Variants in TSPAN9 observed in about 807,000 individuals in gnomAD.
TSPAN9 encodes the protein tetraspanin 9, also known as tetraspanin-9.
TSPAN9 carries 16 observed loss-of-function variants against 31.0 expected under a neutral mutation model. The observed-to-expected ratio is 0.52, with a 90% CI of 0.35 to 0.78. The LOEUF (loss-of-function observed/expected upper bound fraction) is 0.78. Among genes scored for constraint, TSPAN9 ranks in the 30% least tolerant of loss-of-function variants. The pLI is 0.01. For synonymous variants in TSPAN9, 145 were observed against 121.6 expected, an observed-to-expected ratio of 1.19 and a Z score of -1.27; for missense variants, 272 against 312.5, an observed-to-expected ratio of 0.87 and a Z score of 0.98.
rs2098344896 is a variant in TSPAN9, at chr12:3,161,063, A to G, written c.-17-40114A>G. The stretch of plus-strand genomic sequence containing the variant: ...TGGAGAAACCCTGTCTCTACTAAAA[A>G]TACAAAATTAGCCTGGCATGGTGGT... On this transcript the variant is annotated intron_variant, in intron 2 of 8. Coordinates refer to ENST00000011898, the MANE Select transcript of TSPAN9 (RefSeq NM_006675.5). 3.3e-5 allele frequency among the ~76,000 whole-genome samples: 5 copies of G among 152,322 alleles called. 1 individual carries two copies. The highest frequency in any genetic ancestry group is 3.3e-4 in the Admixed American group (5 of 15,300).
chr12:3,281,135 G>A, intron 6 of TSPAN9, 63 bp from the exon 7 acceptor site: 5 of 1,547,024 alleles, frequency 3.2e-6, no homozygotes, highest in Non-Finnish European at 3.5e-6. Context: ...GCAGGGGAAG[G>A]CCCTGGGGAG....
intron 3 of TSPAN9, chr12:3,272,805 C>G (rs1234766560): frequency 6.6e-6 from 1 of 152,234 alleles, no homozygotes; most frequent in Non-Finnish European, 1.5e-5. Context: ...TCCCTCACCC[C>G]CAGAGAAATA....
At chr12:3,198,143 GT>G (rs2098368301) in intron 2 of TSPAN9, among the ~76,000 whole-genome samples, 2 of 64,120 alleles carry the variant, frequency 3.1e-5, no homozygotes, top group African/African-American at 6.6e-5. Flanking sequence ...ACCAGCACAG[GT>G]CACCACCAGC....
intron 2 of TSPAN9, among the ~76,000 whole-genome samples, chr12:3,161,925 C>G (rs1465026007): frequency 6.6e-6 from 1 of 152,128 alleles, no homozygotes; most frequent in Non-Finnish European, 1.5e-5. Flanking sequence ...AAGCCATCTT[C>G]CCGCTTCAGC....
intron 3 of TSPAN9, among the ~76,000 whole-genome samples, chr12:3,265,098 T>G (rs367550160): frequency 7.9e-5 from 12 of 152,290 alleles, no homozygotes; most frequent in African/African-American, 2.4e-4. Flanking sequence ...GCCAGCGCAG[T>G]GCTGGGCTCA....
At chr12:3,225,400 C>T (rs1471130943) in intron 3 of TSPAN9, among the ~76,000 whole-genome samples, 1 of 152,112 alleles carries the variant, frequency 6.6e-6, no homozygotes, top group African/African-American at 2.4e-5. Flanking sequence ...ATTTTCTCTA[C>T]CTTTCTTGAA....
In TSPAN9 at chr12:3,125,931, CTGT is replaced by C. The variant is rs1465567520; in HGVS notation, c.-18+42217_-18+42219del. On this transcript the variant is annotated intron_variant, in intron 2 of 8. Coordinates refer to ENST00000011898, the MANE Select transcript of TSPAN9 (RefSeq NM_006675.5). ...CGCCTGGCATTTGAGGGCTCAAAAC[CTGT>C]TGTTTGGATGAATGCTGGCCTTTGT... is the stretch of plus-strand genomic sequence containing the variant. Among the ~76,000 whole-genome samples the C allele has an allele frequency of 3.9e-5, 6 of 152,240 alleles. No homozygotes were observed. The East Asian group carries it at 9.7e-4, about 25-fold the overall frequency.
intron 2 of TSPAN9, among the ~76,000 whole-genome samples, chr12:3,161,801 A>ATCTATCTG (rs2098345434): frequency 1.3e-5 from 2 of 150,938 alleles, no homozygotes; most frequent in Non-Finnish European, 2.9e-5. Context: ...CTATCTATCT[A>ATCTATCTG]TCTATCTATC....
chr12:3,143,706 C>T lies in TSPAN9; in HGVS notation c.-17-57471C>T, dbSNP rs1483935102. Among the ~76,000 whole-genome samples, 2 of 152,222 alleles carry T rather than the reference C, an allele frequency of 1.3e-5. No individual in the cohort carries two copies. Among genetic ancestry groups the T allele is most frequent in the East Asian group, 1.9e-4 (1 of 5,202 alleles). On this transcript the variant is annotated intron_variant, in intron 2 of 8. Coordinates refer to ENST00000011898, the MANE Select transcript of TSPAN9 (RefSeq NM_006675.5). This position sits in a 1 kb window ranked among gnomAD's most constrained non-coding sequence, Gnocchi z 4.2. ...ATTTTGTTGTTCAACTTGCTGCAGC[C>T]TTGGCCATGGGAAGCTCTAGGGAGC...
chr12:3,156,265 G>A (rs771062923), intron 2 of TSPAN9, among the ~76,000 whole-genome samples: 4 of 152,130 alleles, frequency 2.6e-5, no homozygotes, highest in Non-Finnish European at 5.9e-5. Flanking sequence ...GGGCCAGGAC[G>A]GATCTCGTTG....
intron 2 of TSPAN9, among the ~76,000 whole-genome samples, chr12:3,130,692 C>T (rs1281816959): frequency 6.6e-6 from 1 of 152,194 alleles, no homozygotes; most frequent in Non-Finnish European, 1.5e-5. Flanking sequence ...TACCGGCCCA[C>T]AGAGATGTGC....
chr12:3,170,227 G>A lies in TSPAN9; in HGVS notation c.-17-30950G>A, dbSNP rs977330663. ...TCTGAATTTCTCTCCCATCCATCTC[G>A]TTTATGGTGTTTACAGGGAATATTC... is the stretch of plus-strand genomic sequence containing the variant. On this transcript the variant is annotated intron_variant, in intron 2 of 8. Transcript: ENST00000011898. This position sits in a 1 kb window ranked among gnomAD's most constrained non-coding sequence, Gnocchi z 4.4. Among the ~76,000 whole-genome samples, 4 of 152,082 alleles carry A rather than the reference G, an allele frequency of 2.6e-5. No individual in the cohort carries two copies. Among genetic ancestry groups the A allele is most frequent in the African/African-American group, 9.7e-5 (4 of 41,398 alleles).
intron 2 of TSPAN9, among the ~76,000 whole-genome samples, chr12:3,094,691 A>ACT (rs1224610796): frequency 1.3e-5 from 2 of 149,396 alleles, no homozygotes; most frequent in African/African-American, 4.9e-5. Context: ...GGCTGCCACT[A>ACT]CTCCTGGCTA....
intron 2 of TSPAN9, among the ~76,000 whole-genome samples, chr12:3,141,007 TAGTA>T (rs1189530265): frequency 6.9e-6 from 1 of 145,506 alleles, no homozygotes; most frequent in East Asian, 2.0e-4. Context: ...TTGGGGTTCA[TAGTA>T]GGGGAGGGAG....
At chr12:3,235,385 C>T (rs1015234727) in intron 3 of TSPAN9, among the ~76,000 whole-genome samples, 3 of 149,534 alleles carry the variant, frequency 2.0e-5, no homozygotes, top group Non-Finnish European at 4.5e-5. Flanking sequence ...CCATGGGGTT[C>T]GCACGCTAGC....
Position 3,170,527 on chromosome 12 carries a change from GA to G in TSPAN9, c.-17-30647del, listed in dbSNP as rs1332204753. The stretch of plus-strand genomic sequence containing the variant: ...CCTCCTTGTCAAAATTACATTGTTG[GA>G]AACAAAATCTGATCTGGTGGATGTG... On this transcript the variant is annotated intron_variant, in intron 2 of 8. Transcript: ENST00000011898. The surrounding 1 kb of genome is among the most constrained non-coding windows in gnomAD (Gnocchi z 4.4). 2.0e-5 allele frequency among the ~76,000 whole-genome samples: 3 copies of G among 151,880 alleles called. No homozygotes were observed. Among genetic ancestry groups the G allele is most frequent in the African/African-American group, 7.3e-5 (3 of 41,324 alleles).
chr12:3,242,789 T>C (rs973778110), intron 3 of TSPAN9, among the ~76,000 whole-genome samples: 2 of 152,234 alleles, frequency 1.3e-5, no homozygotes, highest in Non-Finnish European at 2.9e-5. Context: ...CCTAGCCACC[T>C]GCTGATCTCC....
At chr12:3,122,905 CAGAG>C (rs1280880025) in intron 2 of TSPAN9, among the ~76,000 whole-genome samples, 1 of 152,168 alleles carries the variant, frequency 6.6e-6, no homozygotes, top group Admixed American at 6.5e-5. Context: ...AAATGCCAAA[CAGAG>C]AGCTTGCGTT....
At chr12:3,153,465 T>G (rs2098340798) in intron 2 of TSPAN9, among the ~76,000 whole-genome samples, 1 of 152,210 alleles carries the variant, frequency 6.6e-6, no homozygotes, top group South Asian at 2.1e-4. Flanking sequence ...CTATTTGCTT[T>G]CTTTAACATT....
Sources: gnomAD v4.1 joint callset for allele counts (sites outside exome capture counted in the v4.1 genomes callset) on GRCh38, gnomAD v4.1.1 for gene constraint, Gnocchi (gnomAD v3.1) non-coding constraint, MANE v1.5 for transcripts, NCBI Gene and HGNC (gene_info 2026-07-23, HGNC 2026-07-21) for gene names.